The following RGS6 variants were observed in gnomAD, a reference collection of about 807,000 sequenced individuals.
RGS6 encodes regulator of G protein signaling 6, also known as regulator of G-protein signaling 6.
A neutral mutation model predicts 78.5 loss-of-function variants in RGS6; 30 were observed. That is an observed-to-expected ratio of 0.38 (90% CI 0.29 to 0.52). RGS6 has a LOEUF of 0.52. Ranked by LOEUF, RGS6 falls within the 20% of genes least tolerant of loss-of-function variation. The probability of loss-of-function intolerance (pLI) is 0.85; values close to 1 mark genes in which losing one functional copy is unlikely to be tolerated. For missense variants in RGS6, 495 were observed against 609.7 expected, an observed-to-expected ratio of 0.81 and a Z score of 1.98; for synonymous variants, 206 against 206.0, an observed-to-expected ratio of 1.00 and a Z score of 0.00.
chr14:72,306,637 G>A (rs1253528749), intron 2 of RGS6, among the ~76,000 whole-genome samples: 1 of 152,228 alleles, frequency 6.6e-6, no homozygotes, highest in Non-Finnish European at 1.5e-5. Context: ...CAAGACTTCA[G>A]TGGAGGAAGT....
intron 2 of RGS6, among the ~76,000 whole-genome samples, chr14:72,187,018 A>G (rs1303224543): frequency 6.6e-6 from 1 of 152,220 alleles, no homozygotes; most frequent in East Asian, 1.9e-4. Flanking sequence ...GGCCATTTAG[A>G]CTTTCTGCTT....
the RGS6 span, among the ~76,000 whole-genome samples, chr14:72,619,121 G>A: frequency 2.0e-5 from 3 of 152,188 alleles, no homozygotes; most frequent in Non-Finnish European, 4.4e-5. Flanking sequence ...CGTACATATC[G>A]GGGGAGGTCA....
At chr14:72,451,298 T>C (rs1020437138) in intron 3 of RGS6, among the ~76,000 whole-genome samples, 3 of 152,152 alleles carry the variant, frequency 2.0e-5, no homozygotes, top group African/African-American at 7.2e-5. Flanking sequence ...GTGGTCTCCA[T>C]GGGGCTAGGG....
At chr14:72,210,256 G>A (rs757932165) in intron 2 of RGS6, among the ~76,000 whole-genome samples, 2 of 152,230 alleles carry the variant, frequency 1.3e-5, no homozygotes, top group Non-Finnish European at 1.5e-5. Flanking sequence ...AAGTTATTCA[G>A]AGAAGGATGA....
At position 72,370,150 on chromosome 14, in the gene RGS6, T is replaced by TAAA. The variant is rs11432261; in HGVS notation, c.184+17968_184+17970dup. Among the ~76,000 whole-genome samples the TAAA allele has an allele frequency of 3.5e-3, 511 of 146,856 alleles. 2 individuals are homozygous for TAAA. The highest frequency in any genetic ancestry group is 4.8e-3 in the East Asian group (24 of 5,036). On this transcript the variant is annotated intron_variant, in intron 3 of 17. Transcript: ENST00000553525. The stretch of plus-strand genomic sequence containing the variant: ...GAATGAGAACAATTACAAAATCTGG[T>TAAA]AAAAAAAAAAAAAATTCACTTGATG...
rs2093415407 is a variant in RGS6, at chr14:72,053,079, C to CCTTCCTTCCTTCCTTCCTTCCTT, written c.84+88205_84+88206insTTCCTTCCTTCCTTCCTTCCTTC. Among the ~76,000 whole-genome samples the CCTTCCTTCCTTCCTTCCTTCCTT allele has an allele frequency of 1.8e-4, 3 of 17,028 alleles. 1 individual carries two copies. Among genetic ancestry groups the CCTTCCTTCCTTCCTTCCTTCCTT allele is most frequent in the Admixed American group, 1.8e-3 (2 of 1,134 alleles). The allele number at this position is 17,028 out of a possible 152,430, so 11.2% of individuals were successfully genotyped here. On this transcript the variant is annotated intron_variant, in intron 2 of 17. Transcript: ENST00000553525. ...TCCCTCCCTCCCTCCCTCCCTCCCT[C>CCTTCCTTCCTTCCTTCCTTCCTT]CCTTCCTTCCTTCCTTCCTTCCTTC...
At chr14:72,374,187 C>G (rs1276482714) in intron 3 of RGS6, among the ~76,000 whole-genome samples, 1 of 151,846 alleles carries the variant, frequency 6.6e-6, no homozygotes, top group Non-Finnish European at 1.5e-5. Context: ...TGTGCTGCAC[C>G]CATTAACTCG....
At chr14:72,355,319 G>A (rs976844952) in intron 3 of RGS6, among the ~76,000 whole-genome samples, 2 of 151,580 alleles carry the variant, frequency 1.3e-5, no homozygotes, top group African/African-American at 4.8e-5. Flanking sequence ...TCAGCCTCCT[G>A]AGTAGCTGGG....
Position 72,452,708 on chromosome 14 carries a change from C to A in RGS6, c.185-1820C>A, listed in dbSNP as rs113554767. ...GGACTCTGATATCTAAAATGTCTCCCCTTGCAGGCTGTGTTCCATCAAACA... is the reference window on the plus strand; with the variant it reads ...GGACTCTGATATCTAAAATGTCTCCACTTGCAGGCTGTGTTCCATCAAACA... On this transcript the variant is annotated intron_variant, in intron 3 of 17. Transcript: ENST00000553525. Among the ~76,000 whole-genome samples, 853 of 152,332 alleles carry A rather than the reference C, an allele frequency of 5.6e-3. 12 individuals are homozygous for A. Among genetic ancestry groups the A allele is most frequent in the African/African-American group, 0.02 (834 of 41,572 alleles).
At chr14:72,156,477 A>C (rs1011330021) in intron 2 of RGS6, among the ~76,000 whole-genome samples, 16 of 125,056 alleles carry the variant, frequency 1.3e-4, no homozygotes, top group African/African-American at 4.4e-4. Flanking sequence ...AAAAAAAAAA[A>C]ATAGTGGTGG....
intron 2 of RGS6, among the ~76,000 whole-genome samples, chr14:72,201,710 T>C (rs1243357645): frequency 1.3e-5 from 2 of 152,200 alleles, no homozygotes; most frequent in Non-Finnish European, 2.9e-5. Context: ...GACTAGAGGA[T>C]GGCAAACTCC....
At chr14:72,545,964 C>T (rs552448213) in intron 17 of RGS6, among the ~76,000 whole-genome samples, 6 of 152,132 alleles carry the variant, frequency 3.9e-5, no homozygotes, top group Non-Finnish European at 7.4e-5. Context: ...ACCCCAGGGT[C>T]GGTGTTGCCG....
the RGS6 span, among the ~76,000 whole-genome samples, chr14:71,871,107 G>A: frequency 3.3e-5 from 5 of 152,170 alleles, no homozygotes; most frequent in Admixed American, 1.3e-4. Context: ...AGCTTCTGGC[G>A]CTGAGACCCT....
Position 72,226,297 on chromosome 14 carries a change from G to A in RGS6, c.85-125798G>A, listed in dbSNP as rs1233734455. On this transcript the variant is annotated intron_variant, in intron 2 of 17. Transcript: ENST00000553525. The stretch of plus-strand genomic sequence containing the variant: ...AAAAGCAGTATTTTTAAAGAAGGGA[G>A]CATTTTAATTGGTATGTTCTGGCTT... Among the ~76,000 whole-genome samples, 5 of 152,120 alleles carry A rather than the reference G, an allele frequency of 3.3e-5. No homozygotes were observed. The East Asian group carries it at 5.8e-4, about 18-fold the overall frequency.
chr14:72,031,214 G>T (rs975855372), intron 2 of RGS6, among the ~76,000 whole-genome samples: 8 of 151,916 alleles, frequency 5.3e-5, no homozygotes, highest in African/African-American at 1.9e-4. Context: ...ATTTTTTATT[G>T]TGCTGTTTAA....
the RGS6 span, among the ~76,000 whole-genome samples, chr14:72,597,238 C>CAA: frequency 1.4e-5 from 2 of 142,966 alleles, no homozygotes; most frequent in Non-Finnish European, 3.1e-5. Flanking sequence ...GACTCCATCT[C>CAA]AAAAAAAAAG....
At chr14:72,445,215 G>A (rs564818085) in intron 3 of RGS6, among the ~76,000 whole-genome samples, 3 of 152,156 alleles carry the variant, frequency 2.0e-5, no homozygotes, top group Non-Finnish European at 2.9e-5. Flanking sequence ...TTTTTGAGAC[G>A]GAGTCTCATG....
chr14:72,186,871 A>T (rs1365419872), intron 2 of RGS6, among the ~76,000 whole-genome samples: 1 of 152,220 alleles, frequency 6.6e-6, no homozygotes, highest in Admixed American at 6.5e-5. Flanking sequence ...GCATGGGAAT[A>T]ATGTCTGTCT....
chr14:72,478,421 A>G (rs2096289782), intron 12 of RGS6, 92 bp downstream of exon 12: 2 of 917,168 alleles, frequency 2.2e-6, no homozygotes, highest in Non-Finnish European at 1.7e-6. Flanking sequence ...GTTCAATGCC[A>G]AGAGTTAGAC....
Sources: gnomAD v4.1 joint callset for allele counts (sites outside exome capture counted in the v4.1 genomes callset) on GRCh38, gnomAD v4.1.1 for gene constraint, MANE v1.5 for transcripts, NCBI Gene and HGNC (gene_info 2026-07-23, HGNC 2026-07-21) for gene names.